Variants in CDH1 observed in about 807,000 individuals in gnomAD.
CDH1 encodes the protein cadherin 1.
CDH1 carries 35 observed loss-of-function variants against 84.5 expected under a neutral mutation model. The ratio of observed to expected loss-of-function variants is 0.41; its 90% CI spans 0.32 to 0.55. The LOEUF (loss-of-function observed/expected upper bound fraction) is 0.55, where lower values mean the gene tolerates loss of function less well. Among genes scored for constraint, CDH1 ranks in the 20% least tolerant of loss-of-function variants. The probability of loss-of-function intolerance (pLI) is 0.19; values close to 1 mark genes in which losing one functional copy is unlikely to be tolerated. For missense variants in CDH1, 994 were observed against 1,126.6 expected, an observed-to-expected ratio of 0.88 and a Z score of 1.68; for synonymous variants, 417 against 439.0, an observed-to-expected ratio of 0.95 and a Z score of 0.63.
intron 2 of CDH1, among the ~76,000 whole-genome samples, chr16:68,738,783 T>C (rs1962475136): frequency 6.6e-6 from 1 of 151,928 alleles, no homozygotes; most frequent in Non-Finnish European, 1.5e-5. Context: ...AAACCGAGGC[T>C]AAGAGAGTGA....
intron 2 of CDH1, among the ~76,000 whole-genome samples, chr16:68,750,797 C>A (rs142426262): frequency 1.3e-5 from 2 of 151,356 alleles, no homozygotes; most frequent in Admixed American, 6.6e-5. Context: ...CTCGACCTCC[C>A]GGGCTCAAGC....
chr16:68,770,138 G>T (rs779020341), intron 2 of CDH1, among the ~76,000 whole-genome samples: 1 of 152,054 alleles, frequency 6.6e-6, no homozygotes, highest in Non-Finnish European at 1.5e-5. Flanking sequence ...CTTTGCCTCA[G>T]AATCATAAAG....
intron 2 of CDH1, among the ~76,000 whole-genome samples, chr16:68,766,213 C>A (rs1489400243): frequency 6.6e-6 from 1 of 152,162 alleles, no homozygotes; most frequent in African/African-American, 2.4e-5. Context: ...GAGCTGAGAT[C>A]ACGCCACTGT....
At chr16:68,806,833 A>T (rs1298799190) in intron 3 of CDH1, among the ~76,000 whole-genome samples, 1 of 152,160 alleles carries the variant, frequency 6.6e-6, no homozygotes, top group Non-Finnish European at 1.5e-5. Flanking sequence ...CAAACACAGG[A>T]TGTAGAGGGC....
At chr16:68,782,233 A>G (rs1474397255) in intron 2 of CDH1, among the ~76,000 whole-genome samples, 1 of 152,088 alleles carries the variant, frequency 6.6e-6, no homozygotes, top group Non-Finnish European at 1.5e-5. Context: ...GGCAGTCCAC[A>G]CCCTCAGGAT....
rs1057520261 is a variant in CDH1, at chr16:68,808,498, A to G, written c.462A>G (p.Arg154=). 5.0e-6 allele frequency: 8 copies of G among 1,614,022 alleles called. No individual in the cohort carries two copies. The highest frequency in any genetic ancestry group is 4.5e-5 in the East Asian group (2 of 44,892). The change falls in exon 4 of 16, where the codon AGA becomes AGG. Residue 154 remains arginine (R), a synonymous_variant. Transcript: ENST00000261769. The part of the protein sequence containing the change: ...NSSPGLRRQK[R]DWVIPPISCP... ...CTCCTGGCCTCAGAAGACAGAAGAG[A>G]GACTGGGTTATTCCTCCCATCAGCT...
At chr16:68,749,661 C>G (rs909225117) in intron 2 of CDH1, among the ~76,000 whole-genome samples, 1 of 152,246 alleles carries the variant, frequency 6.6e-6, no homozygotes, top group African/African-American at 2.4e-5. Flanking sequence ...TCATCCCCTA[C>G]TGTGGAAGAG....
Position 68,811,767 on chromosome 16 carries a change from A to T in CDH1, c.916A>T (p.Ser306Cys), listed in dbSNP as rs1555515624. Residue 306 changes from serine to cysteine, a missense_variant, in exon 7 of 16, where the codon AGC (serine) becomes TGC (cysteine). Physicochemically the swap from Ser to Cys is moderately radical, Grantham distance 112. Around this residue, in one of 3 missense-constraint regions of CDH1, gnomAD observed 769 missense variants for 881.8 expected, o/e 0.87. Coordinates refer to ENST00000261769, the MANE Select transcript of CDH1 (RefSeq NM_004360.5). ...YNAAIAYTILSQDPELPDKNM... is the reference protein window; with the variant it reads ...YNAAIAYTILCQDPELPDKNM... The stretch of plus-strand genomic sequence containing the variant: ...TGCCGCCATCGCTTACACCATCCTC[A>T]GCCAAGATCCTGAGCTCCCTGACAA... The T allele has an allele frequency of 6.2e-7, 1 of 1,614,156 alleles. No individual in the cohort carries two copies. Among genetic ancestry groups the T allele is most frequent in the Non-Finnish European group, 8.5e-7 (1 of 1,180,014 alleles).
At chr16:68,760,084 ATAT>A (rs762056364) in intron 2 of CDH1, among the ~76,000 whole-genome samples, 1,759 of 105,202 alleles carry the variant, frequency 0.017, 19 homozygotes, top group Non-Finnish European at 0.019. Context: ...CCATATATAT[ATAT>A]TTTTTTTTTT....
At chr16:68,806,810 C>A (rs1960675301) in intron 3 of CDH1, among the ~76,000 whole-genome samples, 1 of 152,184 alleles carries the variant, frequency 6.6e-6, no homozygotes, top group African/African-American at 2.4e-5. Context: ...GGCTGGGCTG[C>A]CTCTCTAGGA....
At chr16:68,819,766 T>G (rs564088494) in intron 11 of CDH1, among the ~76,000 whole-genome samples, 1 of 152,270 alleles carries the variant, frequency 6.6e-6, no homozygotes, top group East Asian at 1.9e-4. Flanking sequence ...ATTATCGAAC[T>G]CCGACTTCTA....
intron 13 of CDH1, among the ~76,000 whole-genome samples, chr16:68,825,004 G>A (rs1961281587): frequency 6.6e-6 from 1 of 152,138 alleles, no homozygotes; most frequent in East Asian, 1.9e-4. Context: ...CTCACTCTTT[G>A]GGAGACCAGG....
chr16:68,821,225 C>T (rs1961134014), intron 11 of CDH1, among the ~76,000 whole-genome samples: 1 of 152,124 alleles, frequency 6.6e-6, no homozygotes, highest in Non-Finnish European at 1.5e-5. Context: ...ATAATCCCAA[C>T]ACTTTCAGAG....
intron 10 of CDH1, 109 bp from the exon 11 acceptor site, chr16:68,819,171 A>G (rs1385320756): frequency 1.9e-5 from 25 of 1,326,274 alleles, no homozygotes; most frequent in Non-Finnish European, 2.6e-5. Context: ...TTGGTTTTCA[A>G]AATAAAAACG....
chr16:68,805,444 C>A (rs1487270632), intron 3 of CDH1, among the ~76,000 whole-genome samples: 1 of 152,202 alleles, frequency 6.6e-6, no homozygotes, highest in Non-Finnish European at 1.5e-5. Context: ...ATTATTCATT[C>A]TCTGAAAATA....
intron 5 of CDH1, 113 bp downstream of exon 5, chr16:68,808,961 T>C (rs1349286895): frequency 1.9e-5 from 17 of 908,094 alleles, no homozygotes; most frequent in Non-Finnish European, 3.0e-5. Flanking sequence ...GGAGCTTAAC[T>C]TGACACCTCT....
chr16:68,801,990 G>A, intron 3 of CDH1, 97 bp downstream of exon 3: 4 of 1,042,482 alleles, frequency 3.8e-6, no homozygotes, highest in South Asian at 2.7e-5. Flanking sequence ...TGGGCTGGAT[G>A]ATTTTGTGTT....
chr16:68,779,766 T>C lies in CDH1; in HGVS notation c.164-21904T>C, dbSNP rs114158798. Reference sequence around the variant, plus strand: ...CAGCTACTCGGGAGGCTGAGAAGAATTGCGTGAACCTGGGAGGTGGAGGTG... The same window carrying C: ...CAGCTACTCGGGAGGCTGAGAAGAACTGCGTGAACCTGGGAGGTGGAGGTG... On this transcript the variant is annotated intron_variant, in intron 2 of 15. Coordinates refer to ENST00000261769, the MANE Select transcript of CDH1 (RefSeq NM_004360.5). Among the ~76,000 whole-genome samples the C allele has an allele frequency of 8.6e-3, 1,315 of 152,150 alleles. 24 individuals are homozygous for C. The highest frequency in any genetic ancestry group is 0.03 in the African/African-American group (1,249 of 41,514).
At chr16:68,804,153 A>G (rs377009734) in intron 3 of CDH1, among the ~76,000 whole-genome samples, 11 of 109,438 alleles carry the variant, frequency 1.0e-4, no homozygotes, top group Admixed American at 3.0e-4. Context: ...TCGCTCTGTC[A>G]CCCAGGCTGG....
Sources: allele counts gnomAD v4.1 joint callset (sites outside exome capture counted in the v4.1 genomes callset), GRCh38; gene constraint gnomAD v4.1.1; regional missense constraint gnomAD v4.1.1; transcripts MANE v1.5; gene names NCBI Gene and HGNC (gene_info 2026-07-23, HGNC 2026-07-21).